The following NLK variants were observed in gnomAD, a reference collection of about 807,000 sequenced individuals.
NLK encodes the protein serine/threonine-protein kinase NLK.
Under a neutral mutation model 59.0 loss-of-function variants are expected in NLK, and 11 were observed. The observed-to-expected ratio is 0.19, with a 90% confidence interval of 0.12 to 0.31. The LOEUF is 0.31. NLK is among the 10% of genes least tolerant of loss of function. The pLI, the probability that NLK is intolerant of heterozygous loss-of-function variation, is 1.00. For synonymous variants in NLK, 235 were observed against 235.9 expected (o/e 1.00, Z 0.03); for missense variants, 410 against 661.1 (o/e 0.62, Z 4.16).
At chr17:28,168,323 G>A (rs1180468287) in intron 5 of NLK, 125 bp from the exon 6 acceptor site, 368 of 674,264 alleles carry the variant, frequency 5.5e-4, no homozygotes, top group Middle Eastern at 1.6e-3. Context: ...GTGACAGAGT[G>A]AGACTCCATC....
chr17:28,101,386 T>G (rs1373754204), intron 1 of NLK, among the ~76,000 whole-genome samples: 3 of 152,206 alleles, frequency 2.0e-5, no homozygotes, highest in African/African-American at 7.2e-5. Context: ...AGTAAGTCTT[T>G]TAAGCCATGA....
At chr17:28,115,364 G>T (rs1415086345) in intron 1 of NLK, among the ~76,000 whole-genome samples, 2 of 152,218 alleles carry the variant, frequency 1.3e-5, no homozygotes, top group African/African-American at 2.4e-5. Flanking sequence ...TGTTTAGGCG[G>T]ATGGGTTTGA....
At chr17:28,166,037 A>G (rs1397370681) in intron 5 of NLK, among the ~76,000 whole-genome samples, 3 of 152,186 alleles carry the variant, frequency 2.0e-5, no homozygotes, top group South Asian at 2.1e-4. Flanking sequence ...CAACATGGCA[A>G]AACCCTGTCT....
At chr17:28,165,713 C>A (rs920192720) in intron 5 of NLK, among the ~76,000 whole-genome samples, 1 of 151,986 alleles carries the variant, frequency 6.6e-6, no homozygotes, top group Non-Finnish European at 1.5e-5. Flanking sequence ...AGGTTGTCTT[C>A]CAAATAAGTT....
chr17:28,064,990 A>G (rs937241209), intron 1 of NLK, among the ~76,000 whole-genome samples: 1 of 152,216 alleles, frequency 6.6e-6, no homozygotes, highest in Non-Finnish European at 1.5e-5. Flanking sequence ...ATGGAGAAAA[A>G]CAGTGATTAA....
At chr17:28,187,579 C>T (rs975428706) in intron 8 of NLK, among the ~76,000 whole-genome samples, 8 of 152,178 alleles carry the variant, frequency 5.3e-5, no homozygotes, top group African/African-American at 1.7e-4. Context: ...GGATTACAGG[C>T]ATGAGCCACC....
chr17:28,063,344 A>G (rs540529433), intron 1 of NLK, among the ~76,000 whole-genome samples: 135 of 152,358 alleles, frequency 8.9e-4, no homozygotes, highest in Non-Finnish European at 1.4e-3. Flanking sequence ...AGTACTCTCA[A>G]TGTTGGATAC....
At chr17:28,192,081 A>C (rs371489103) in intron 9 of NLK, 39 bp from the exon 10 acceptor site, 22 of 1,294,058 alleles carry the variant, frequency 1.7e-5, no homozygotes, top group Admixed American at 1.3e-4. Flanking sequence ...CCGGGCTTGC[A>C]AATTGTCATG....
chr17:28,166,159 G>C (rs534000530), intron 5 of NLK, among the ~76,000 whole-genome samples: 2 of 152,336 alleles, frequency 1.3e-5, no homozygotes, highest in African/African-American at 4.8e-5. Context: ...ACGTTGCAGT[G>C]AGCCGACATC....
At chr17:28,043,774 G>T (rs574354432) in intron 1 of NLK, among the ~76,000 whole-genome samples, 1 of 152,308 alleles carries the variant, frequency 6.6e-6, no homozygotes, top group South Asian at 2.1e-4. Context: ...CTACTTTCCT[G>T]TCCTTTCTGT....
chr17:28,182,388 T>A (rs542973580), intron 7 of NLK, among the ~76,000 whole-genome samples: 1 of 152,300 alleles, frequency 6.6e-6, no homozygotes, highest in Non-Finnish European at 1.5e-5. Context: ...ATGACCAAGG[T>A]CCAAGGAAAC....
In NLK at chr17:28,191,019, A is replaced by G; in HGVS notation, c.1237-2A>G. ...ATGTGCTGGTCTCTAATTTGATTTCAGTCCAAAAGAATATCCGCTAAGGAT... is the reference window on the plus strand; with the variant it reads ...ATGTGCTGGTCTCTAATTTGATTTCGGTCCAAAAGAATATCCGCTAAGGAT... On this transcript the variant is annotated splice_acceptor_variant, in intron 8 of 10. Transcript: ENST00000407008. LOFTEE classifies it high-confidence loss of function. 1 of 1,582,546 alleles carries G rather than the reference A, an allele frequency of 6.3e-7. No homozygotes were observed. The highest frequency in any genetic ancestry group is 2.2e-5 in the East Asian group (1 of 44,678).
At chr17:28,074,265 A>G (rs1376847393) in intron 1 of NLK, among the ~76,000 whole-genome samples, 2 of 152,204 alleles carry the variant, frequency 1.3e-5, no homozygotes, top group African/African-American at 4.8e-5. Flanking sequence ...GATCTGTGCC[A>G]CAAACCATGA....
At chr17:28,083,269 TGA>T (rs1302842487) in intron 1 of NLK, among the ~76,000 whole-genome samples, 1 of 152,190 alleles carries the variant, frequency 6.6e-6, no homozygotes, top group Non-Finnish European at 1.5e-5. Flanking sequence ...TGTAGGTGAT[TGA>T]TAAATATTTG....
chr17:28,203,032 C>T, the NLK span, among the ~76,000 whole-genome samples: 9 of 151,888 alleles, frequency 5.9e-5, no homozygotes, highest in Admixed American at 2.0e-4. Flanking sequence ...TGATTGTGTC[C>T]GTGTTCAGGG....
chr17:28,177,203 A>AT (rs1335689999), intron 7 of NLK, among the ~76,000 whole-genome samples: 1 of 152,154 alleles, frequency 6.6e-6, no homozygotes, highest in Non-Finnish European at 1.5e-5. Flanking sequence ...GGCACACTCA[A>AT]TATAATTTCT....
At chr17:28,081,403 C>T (rs1242889732) in intron 1 of NLK, among the ~76,000 whole-genome samples, 1 of 151,870 alleles carries the variant, frequency 6.6e-6, no homozygotes, top group Non-Finnish European at 1.5e-5. Flanking sequence ...CACTGTGTTG[C>T]CCAGACTCAC....
At chr17:28,150,538 GAA>G (rs1199723745) in intron 3 of NLK, among the ~76,000 whole-genome samples, 2 of 152,136 alleles carry the variant, frequency 1.3e-5, no homozygotes, top group Non-Finnish European at 2.9e-5. Flanking sequence ...ACTAACATGA[GAA>G]AGCAGTAAAA....
At chr17:28,158,404 G>T (rs1229251641) in intron 3 of NLK, among the ~76,000 whole-genome samples, 8 of 152,166 alleles carry the variant, frequency 5.3e-5, no homozygotes, top group African/African-American at 1.9e-4. Flanking sequence ...TCAGTGAGTG[G>T]TGAGTGAATT....
Sources: allele counts gnomAD v4.1 joint callset (sites outside exome capture counted in the v4.1 genomes callset), GRCh38; gene constraint gnomAD v4.1.1; transcripts MANE v1.5; gene names NCBI Gene and HGNC (gene_info 2026-07-23, HGNC 2026-07-21).